HSP90AA1: variants seen among roughly 807,000 people sequenced by gnomAD.
HSP90AA1 encodes the protein heat shock protein 90 alpha family class A member 1.
HSP90AA1 carries 18 observed loss-of-function variants against 73.3 expected under a neutral mutation model. The ratio of observed to expected loss-of-function variants is 0.25; its 90% CI spans 0.17 to 0.36. The LOEUF is 0.36. Ranked by LOEUF, HSP90AA1 falls within the 10% of genes least tolerant of loss-of-function variation. The pLI, the probability that HSP90AA1 is intolerant of heterozygous loss-of-function variation, is 1.00. For synonymous variants in HSP90AA1, 477 were observed against 296.9 expected (o/e 1.61, Z -6.24); for missense variants, 704 against 874.2 (o/e 0.81, Z 2.45).
intron 1 of HSP90AA1, among the ~76,000 whole-genome samples, chr14:102,107,273 C>A (rs906587802): frequency 3.9e-5 from 6 of 151,966 alleles, no homozygotes; most frequent in Non-Finnish European, 5.9e-5. Context: ...CTGTTAGAAT[C>A]CCTGTTTCCT....
At chr14:102,118,081 C>T (rs2049729637) in intron 1 of HSP90AA1, among the ~76,000 whole-genome samples, 1 of 152,214 alleles carries the variant, frequency 6.6e-6, no homozygotes, top group Non-Finnish European at 1.5e-5. Context: ...ATACACCCCT[C>T]ACTGCTCCAT....
At chr14:102,093,589 T>C (rs1166500408) in intron 2 of HSP90AA1, among the ~76,000 whole-genome samples, 1 of 152,166 alleles carries the variant, frequency 6.6e-6, no homozygotes, top group African/African-American at 2.4e-5. Flanking sequence ...ATTCTGGTCC[T>C]GCCACTCGCT....
At chr14:102,088,849 G>C (rs1223723920), upstream of HSP90AA1, among the ~76,000 whole-genome samples, 3 of 151,916 alleles carry the variant, frequency 2.0e-5, no homozygotes, top group East Asian at 3.9e-4. Flanking sequence ...TGCCCAGGGG[G>C]TTTGAGATAT....
chr14:102,115,426 T>TC (rs973122546), intron 1 of HSP90AA1, among the ~76,000 whole-genome samples: 3 of 152,166 alleles, frequency 2.0e-5, no homozygotes, highest in African/African-American at 7.2e-5. Flanking sequence ...TAAGATAAAC[T>TC]CCAAGAAGTG....
At chr14:102,103,812 A>C (rs1218652924) in intron 1 of HSP90AA1, among the ~76,000 whole-genome samples, 2 of 151,466 alleles carry the variant, frequency 1.3e-5, no homozygotes, top group Non-Finnish European at 2.9e-5. Flanking sequence ...CTCAAAACAA[A>C]AAAAAAAAAA....
intron 1 of HSP90AA1, among the ~76,000 whole-genome samples, chr14:102,111,055 G>A (rs1490152542): frequency 1.3e-5 from 2 of 152,174 alleles, no homozygotes; most frequent in East Asian, 1.9e-4. Context: ...GAGCATAAAA[G>A]TTTGGAAAAT....
chr14:102,129,009 A>G (rs1164667087), intron 1 of HSP90AA1, among the ~76,000 whole-genome samples: 1 of 151,104 alleles, frequency 6.6e-6, no homozygotes, highest in Non-Finnish European at 1.5e-5. Context: ...GGACCAATAG[A>G]AAAATCTAAC....
At chr14:102,086,850 AAAGCGCGGCCGCCCGG>A (rs2049252870) in intron 1 of HSP90AA1, 120 bp downstream of exon 1, 6 of 386,590 alleles carry the variant, frequency 1.6e-5, no homozygotes, top group Non-Finnish European at 2.1e-5. Context: ...TCCGGAATAG[AAAGCGCGGCCGCCCGG>A]GAGCGCGGCC....
Position 102,083,790 on chromosome 14 carries a change from A to G in HSP90AA1, c.1338+3T>C, listed in dbSNP as rs763509457. The G allele has an allele frequency of 6.2e-6, 10 of 1,611,162 alleles. No individual in the cohort carries two copies. In the South Asian group the frequency reaches 1.0e-4, roughly 16 times the overall value. On this transcript the variant is annotated splice_donor_region_variant and intron_variant, in intron 7 of 10. Coordinates refer to ENST00000216281, the MANE Select transcript of HSP90AA1 (RefSeq NM_005348.4). ...TGGAAAACTAATGGTTATTTACACCAACCTTTATGTTTTTAGAGAACTGCT... is the reference window on the plus strand; with the variant it reads ...TGGAAAACTAATGGTTATTTACACCGACCTTTATGTTTTTAGAGAACTGCT...
chr14:102,120,351 C>T (rs1180702974), intron 1 of HSP90AA1, among the ~76,000 whole-genome samples: 1 of 152,010 alleles, frequency 6.6e-6, no homozygotes, highest in Non-Finnish European at 1.5e-5. Context: ...GAAGCGAGAC[C>T]CTGTCCCACC....
chr14:102,131,440 T>C (rs2049905794), intron 1 of HSP90AA1, among the ~76,000 whole-genome samples: 1 of 152,198 alleles, frequency 6.6e-6, no homozygotes, highest in East Asian at 1.9e-4. Flanking sequence ...ACCTTCCTGT[T>C]CTACTCTTGC....
At chr14:102,095,660 G>A (rs2049414781) in intron 2 of HSP90AA1, among the ~76,000 whole-genome samples, 1 of 152,164 alleles carries the variant, frequency 6.6e-6, no homozygotes, top group Admixed American at 6.5e-5. Context: ...CCAAAGTACT[G>A]CCATTTTCCC....
chr14:102,122,186 T>C (rs1454878880), intron 1 of HSP90AA1, among the ~76,000 whole-genome samples: 1 of 152,162 alleles, frequency 6.6e-6, no homozygotes, highest in East Asian at 1.9e-4. Context: ...CAATACCTCT[T>C]CTTAAATTAA....
chr14:102,135,711 C>A (rs1245588566), intron 1 of HSP90AA1, among the ~76,000 whole-genome samples: 3 of 152,252 alleles, frequency 2.0e-5, no homozygotes, highest in Admixed American at 6.5e-5. Flanking sequence ...GGTGGGCCGG[C>A]ACTGCTGGGG....
chr14:102,137,149 G>A (rs2050011339), intron 1 of HSP90AA1, among the ~76,000 whole-genome samples: 1 of 151,040 alleles, frequency 6.6e-6, no homozygotes, highest in Non-Finnish European at 1.5e-5. Context: ...GGGAGGCGGA[G>A]AGCTGAGACT....
At chr14:102,128,403 G>A (rs2049863153) in intron 1 of HSP90AA1, among the ~76,000 whole-genome samples, 1 of 152,070 alleles carries the variant, frequency 6.6e-6, no homozygotes, top group Non-Finnish European at 1.5e-5. Flanking sequence ...CGAGGTGGGT[G>A]GATCACCTGA....
At chr14:102,122,772 A>G (rs2049794883) in intron 1 of HSP90AA1, among the ~76,000 whole-genome samples, 1 of 151,290 alleles carries the variant, frequency 6.6e-6, no homozygotes, top group Non-Finnish European at 1.5e-5. Flanking sequence ...GGTTCGAGCG[A>G]TTCTCCTGTT....
rs1437959327 is a variant in HSP90AA1, at chr14:102,084,878, C to T, written c.784G>A (p.Gly262Ser). The change falls in exon 5 of 11, where the codon GGT becomes AGT. Residue 262 changes from glycine (G) to serine (S), a missense_variant. Transcript: ENST00000216281. ...TTCTTTTCTTCTTCCTCATCAGAAC[C>T]AACATCTTCAATTTCAGGTTTGTCT... The part of the protein sequence containing the change: ...SEDKPEIEDV[G>S]SDEEEEKKDG... 1.9e-6 allele frequency: 3 copies of T among 1,552,178 alleles called. No individual in the cohort carries two copies. The highest frequency in any genetic ancestry group is 2.7e-6 in the Non-Finnish European group (3 of 1,124,182).
At chr14:102,118,665 A>T (rs1224958331) in intron 1 of HSP90AA1, among the ~76,000 whole-genome samples, 2 of 152,140 alleles carry the variant, frequency 1.3e-5, no homozygotes, top group South Asian at 2.1e-4. Context: ...ATAACATTTT[A>T]AAAATCACAT....
Sources: allele counts gnomAD v4.1 joint callset (sites outside exome capture counted in the v4.1 genomes callset), GRCh38; gene constraint gnomAD v4.1.1; transcripts MANE v1.5; gene names NCBI Gene and HGNC (gene_info 2026-07-23, HGNC 2026-07-21).